FHIT: variants seen among roughly 807,000 people sequenced by gnomAD.
FHIT encodes the protein fragile histidine triad diadenosine triphosphatase.
FHIT carries 19 observed loss-of-function variants against 17.9 expected under a neutral mutation model. The observed-to-expected ratio is 1.06, with a 90% CI of 0.74 to 1.56. FHIT has a LOEUF of 1.56. Among genes scored for constraint, FHIT ranks in the 40% most tolerant of loss-of-function variants. The pLI is 0.00. For synonymous variants in FHIT, 81 were observed against 69.7 expected (o/e 1.16, Z -0.81); for missense variants, 248 against 189.2 (o/e 1.31, Z -1.82).
chr3:61,249,656 A>G (rs2040565860), intron 1 of FHIT, among the ~76,000 whole-genome samples: 1 of 152,150 alleles, frequency 6.6e-6, no homozygotes. Context: ...AGTTGATATA[A>G]AAATGGTTCT....
At chr3:59,870,284 C>T (rs1702859676) in intron 8 of FHIT, among the ~76,000 whole-genome samples, 2 of 152,294 alleles carry the variant, frequency 1.3e-5, no homozygotes, top group African/African-American at 2.4e-5. Context: ...ATAAGGATTC[C>T]CATTCCCATG....
chr3:61,073,088 T>TA (rs1428472008), intron 2 of FHIT, among the ~76,000 whole-genome samples: 3 of 151,828 alleles, frequency 2.0e-5, no homozygotes, highest in Non-Finnish European at 2.9e-5. Context: ...CGAGGCCTTC[T>TA]AAAAAAAACA....
At chr3:60,093,892 T>G (rs1417515289) in intron 5 of FHIT, among the ~76,000 whole-genome samples, 2 of 152,190 alleles carry the variant, frequency 1.3e-5, no homozygotes, top group Admixed American at 6.5e-5. Flanking sequence ...TATTGCCTAC[T>G]ACAGGCATCA....
At chr3:60,482,847 T>G (rs759983664) in intron 5 of FHIT, among the ~76,000 whole-genome samples, 1 of 148,220 alleles carries the variant, frequency 6.7e-6, no homozygotes, top group Non-Finnish European at 1.5e-5. Flanking sequence ...CTGAAGGAGA[T>G]AGAGACACAA....
intron 5 of FHIT, among the ~76,000 whole-genome samples, chr3:60,157,737 G>A (rs1200841445): frequency 6.6e-6 from 1 of 152,164 alleles, no homozygotes; most frequent in Non-Finnish European, 1.5e-5. Context: ...ATTATTCCTG[G>A]AATTATGTTG....
At chr3:60,044,614 T>G (rs1267532583) in intron 5 of FHIT, among the ~76,000 whole-genome samples, 1 of 152,182 alleles carries the variant, frequency 6.6e-6, no homozygotes, top group Non-Finnish European at 1.5e-5. Flanking sequence ...GAAATTGATC[T>G]ACCAGACAAA....
intron 2 of FHIT, among the ~76,000 whole-genome samples, chr3:61,173,847 A>T (rs1056069614): frequency 1.3e-5 from 2 of 152,210 alleles, no homozygotes; most frequent in Admixed American, 1.3e-4. Context: ...AAAGCCCAGT[A>T]CCTACTGAGT....
At chr3:60,204,627 C>T (rs755991356) in intron 5 of FHIT, among the ~76,000 whole-genome samples, 1 of 151,374 alleles carries the variant, frequency 6.6e-6, no homozygotes, top group African/African-American at 2.4e-5. Flanking sequence ...ATATAAAAAG[C>T]CAATAAAAAT....
At chr3:60,773,808 T>G (rs1700126377) in intron 4 of FHIT, among the ~76,000 whole-genome samples, 1 of 152,270 alleles carries the variant, frequency 6.6e-6, no homozygotes, top group South Asian at 2.1e-4. Flanking sequence ...TATTATAAGT[T>G]TAATTCATGC....
At chr3:60,296,105 T>A (rs772542937) in intron 5 of FHIT, among the ~76,000 whole-genome samples, 6 of 152,138 alleles carry the variant, frequency 3.9e-5, no homozygotes, top group East Asian at 1.9e-4. Context: ...CATGATTGTG[T>A]GGCCTCCCCA....
intron 5 of FHIT, among the ~76,000 whole-genome samples, chr3:60,023,510 T>A (rs1004148986): frequency 5.3e-5 from 8 of 152,220 alleles, no homozygotes; most frequent in African/African-American, 1.9e-4. Flanking sequence ...TTAGGTTTGC[T>A]TATGTCATTT....
chr3:61,144,708 T>C (rs2037178657), intron 2 of FHIT, among the ~76,000 whole-genome samples: 1 of 152,170 alleles, frequency 6.6e-6, no homozygotes, highest in Admixed American at 6.5e-5. Flanking sequence ...CAACGCTTGT[T>C]ATTGTCTTTT....
intron 4 of FHIT, chr3:60,690,761 A>T: frequency 2.7e-6 from 1 of 370,828 alleles, no homozygotes; most frequent in Non-Finnish European, 5.3e-6. Flanking sequence ...CCATCTGTGA[A>T]GTCTCTGTTA....
chr3:60,706,633 C>T (rs1434573003), intron 4 of FHIT, among the ~76,000 whole-genome samples: 1 of 152,116 alleles, frequency 6.6e-6, no homozygotes. Flanking sequence ...CCATGTCTGA[C>T]ACACTATGGA....
chr3:60,703,335 G>C (rs2107914931), intron 4 of FHIT, among the ~76,000 whole-genome samples: 1 of 152,290 alleles, frequency 6.6e-6, no homozygotes, highest in Admixed American at 6.5e-5. Context: ...AAAACTGACA[G>C]ACAATAAATG....
Position 59,747,967 on chromosome 3 carries a change from G to A in FHIT, c.*1618C>T, listed in dbSNP as rs1374393264. 1.3e-5 allele frequency among the ~76,000 whole-genome samples: 2 copies of A among 152,072 alleles called. No individual in the cohort carries two copies. The highest frequency in any genetic ancestry group is 2.9e-5 in the Non-Finnish European group (2 of 68,028). Reference sequence around the variant, plus strand: ...TGATCTACATTGAATCTCTCAGTAGGTTATTCTCTTTAATCCTTCTGAATA... The same window carrying A: ...TGATCTACATTGAATCTCTCAGTAGATTATTCTCTTTAATCCTTCTGAATA... On this transcript the variant is annotated 3_prime_UTR_variant, in exon 10 of 10. Transcript: ENST00000492590.
chr3:59,903,826 A>G (rs1384462362), intron 8 of FHIT, among the ~76,000 whole-genome samples: 1 of 152,182 alleles, frequency 6.6e-6, no homozygotes, highest in Non-Finnish European at 1.5e-5. Flanking sequence ...GCAAGGGATA[A>G]GTTGAAGAGA....
chr3:59,801,873 C>T (rs1351453622), intron 8 of FHIT, among the ~76,000 whole-genome samples: 7 of 152,216 alleles, frequency 4.6e-5, no homozygotes, highest in East Asian at 3.9e-4. Context: ...GGTCTCCAGC[C>T]GCCTGAGTCC....
At chr3:60,795,766 C>T (rs547364841) in intron 4 of FHIT, among the ~76,000 whole-genome samples, 10 of 152,264 alleles carry the variant, frequency 6.6e-5, no homozygotes, top group African/African-American at 1.7e-4. Context: ...CCAGCTGCCT[C>T]GGCCTCCCAA....
Sources: allele counts gnomAD v4.1 joint callset (sites outside exome capture counted in the v4.1 genomes callset), GRCh38; gene constraint gnomAD v4.1.1; transcripts MANE v1.5; gene names NCBI Gene and HGNC (gene_info 2026-07-23, HGNC 2026-07-21).